Variants in MCM2 observed in about 807,000 individuals in gnomAD.
MCM2 encodes minichromosome maintenance complex component 2, also known as DNA replication licensing factor MCM2.
A neutral mutation model predicts 86.4 loss-of-function variants in MCM2; 49 were observed. That is an observed-to-expected ratio of 0.57 (90% CI 0.45 to 0.72). The LOEUF (loss-of-function observed/expected upper bound fraction) is 0.72, where lower values mean the gene tolerates loss of function less well. MCM2 is among the 30% of genes least tolerant of loss of function. The pLI is 0.00. For missense variants in MCM2, 1,038 were observed against 1,259.9 expected, an observed-to-expected ratio of 0.82 and a Z score of 2.67; for synonymous variants, 475 against 484.6, an observed-to-expected ratio of 0.98 and a Z score of 0.26.
At chr3:127,611,044 T>C (rs2074390703) in intron 8 of MCM2, 1 of 442,328 alleles carries the variant, frequency 2.3e-6, no homozygotes, top group Non-Finnish European at 4.6e-6. Context: ...GGGTTCCCAA[T>C]AATAGGAAAT....
At chr3:127,608,762 G>A (rs1264862892) in intron 7 of MCM2, 70 bp from the exon 8 acceptor site, 3 of 1,501,128 alleles carry the variant, frequency 2.0e-6, no homozygotes, top group East Asian at 2.3e-5. Context: ...AGGAGAAACT[G>A]GAGGAAGGCA....
chr3:127,609,019 AGAAGGTAGGTG>A lies in MCM2; in HGVS notation c.1428+2_1428+12del. 1 of 1,613,764 alleles carries A rather than the reference AGAAGGTAGGTG, an allele frequency of 6.2e-7. No individual in the cohort carries two copies. Among genetic ancestry groups the A allele is most frequent in the Non-Finnish European group, 8.5e-7 (1 of 1,179,966 alleles). Reference sequence around the variant, plus strand: ...CTCTCCAAGGATCAGCAGATCGGAGAGAAGGTAGGTGGAAGGCAGGGGCAGGGGCTGTCAGG... The same window carrying A: ...CTCTCCAAGGATCAGCAGATCGGAGAGAAGGCAGGGGCAGGGGCTGTCAGG... On this transcript the variant is annotated splice_donor_variant and splice_donor_5th_base_variant and coding_sequence_variant and intron_variant, in exon 8 of 16. Transcript: ENST00000265056. LOFTEE classifies it high-confidence loss of function.
Position 127,618,904 on chromosome 3 carries a change from T to C in MCM2, c.2014-123T>C. 1 of 1,146,282 alleles carries C rather than the reference T, an allele frequency of 8.7e-7. No individual in the cohort carries two copies. The highest frequency in any genetic ancestry group is 1.2e-6 in the Non-Finnish European group (1 of 833,698). 71.0% of individuals were successfully genotyped at this position (1,146,282 alleles called of 1,614,324 possible). A position where few individuals can be genotyped will look rare whatever the true frequency, so the allele number is the denominator to read the frequency against. ...CCAGAACTGCCTGGCACATGGTCAG[T>C]GTAGTCAGTCTTGTTGAAAGAGTGT... is the stretch of plus-strand genomic sequence containing the variant. On this transcript the variant is annotated intron_variant, in intron 12 of 15. Transcript: ENST00000265056. The surrounding 1 kb of genome is among the most constrained non-coding windows in gnomAD (Gnocchi z 4.0).
At chr3:127,616,477 G>A (rs534157651) in intron 9 of MCM2, among the ~76,000 whole-genome samples, 3 of 152,158 alleles carry the variant, frequency 2.0e-5, no homozygotes, top group Admixed American at 6.5e-5. Flanking sequence ...GTGCCTGTGC[G>A]CAGTGCATCC....
rs17497013 is a variant in MCM2 at position 127,611,292 on chromosome 3, A to C, written c.1428+2269A>C. Among the ~76,000 whole-genome samples, 663 of 152,166 alleles carry C rather than the reference A, an allele frequency of 4.4e-3. 11 individuals carry two copies. The highest frequency in any genetic ancestry group is 0.015 in the African/African-American group (625 of 41,528). ...AGCCGGGCCACCTGTGTCCCACATG[A>C]TTATCTGTGTCTGTGCCTACCACGC... On this transcript the variant is annotated intron_variant, in intron 8 of 15. Transcript: ENST00000265056.
Position 127,611,767 on chromosome 3 carries a change from C to T in MCM2, c.1428+2744C>T, listed in dbSNP as rs2074399442. Among the ~76,000 whole-genome samples the T allele has an allele frequency of 3.3e-5, 4 of 121,024 alleles. No individual in the cohort carries two copies. In the South Asian group the frequency reaches 1.2e-3, roughly 36 times the overall value. 79.4% of individuals were successfully genotyped at this position (121,024 alleles called of 152,430 possible). On this transcript the variant is annotated intron_variant, in intron 8 of 15. Transcript: ENST00000265056. ...AGGCTGGAGTGCAGTGGCGGGATCT[C>T]GGCTCACTGCAAGCTCCGCCTCCCG...
intron 6 of MCM2, among the ~76,000 whole-genome samples, chr3:127,607,216 C>T (rs2074358316): frequency 6.6e-6 from 1 of 152,212 alleles, no homozygotes; most frequent in Admixed American, 6.5e-5. Context: ...CAGCTTGTTT[C>T]TGGGACCTGT....
chr3:127,611,865 A>AT (rs1218503038), intron 8 of MCM2, among the ~76,000 whole-genome samples: 1 of 147,200 alleles, frequency 6.8e-6, no homozygotes. Flanking sequence ...CGCCCGGCTA[A>AT]TTTTTTTGTA....
chr3:127,599,599 T>C (rs957445179), intron 2 of MCM2, 52 bp downstream of exon 2: 2 of 1,512,608 alleles, frequency 1.3e-6, no homozygotes, highest in Non-Finnish European at 9.0e-7. Context: ...AGAGAGCCCA[T>C]TGTGTGCCTG....
At chr3:127,607,343 G>A (rs866048970) in intron 6 of MCM2, among the ~76,000 whole-genome samples, 16 of 152,368 alleles carry the variant, frequency 1.1e-4, no homozygotes, top group Middle Eastern at 3.4e-3. Context: ...GTACTTGAGC[G>A]TCCCTGTAAA....
In MCM2 at chr3:127,606,089, A is replaced by T; in HGVS notation, c.674-29A>T. 6.4e-7 allele frequency: 1 copy of T among 1,573,752 alleles called. No individual in the cohort carries two copies. Among genetic ancestry groups the T allele is most frequent in the South Asian group, 1.1e-5 (1 of 90,280 alleles). On this transcript the variant is annotated intron_variant, in intron 4 of 15. Coordinates refer to ENST00000265056, the MANE Select transcript of MCM2 (RefSeq NM_004526.4). This position sits in a 1 kb window ranked among gnomAD's most constrained non-coding sequence, Gnocchi z 4.2. ...CCCAGCCCAGGCCTCATGCTTAGTT[A>T]ACTCTCTTCCCACTGTGCCCCCTTC...
chr3:127,611,682 C>CTTTTTTTTT lies in MCM2; in HGVS notation c.1428+2685_1428+2693dup, dbSNP rs59607211. ...AAGCCCTGCAGGCTTCTGCAGCTGACTTTTTTTTTTTTTTTTTTTTTTTTT... is the reference window on the plus strand; with the variant it reads ...AAGCCCTGCAGGCTTCTGCAGCTGACTTTTTTTTTTTTTTTTTTTTTTTTTTTTTTTTTT... On this transcript the variant is annotated intron_variant, in intron 8 of 15. Coordinates refer to ENST00000265056, the MANE Select transcript of MCM2 (RefSeq NM_004526.4). Among the ~76,000 whole-genome samples the CTTTTTTTTT allele has an allele frequency of 2.4e-4, 13 of 54,282 alleles. 3 individuals are homozygous for CTTTTTTTTT. The highest frequency in any genetic ancestry group is 1.5e-3 in the East Asian group (2 of 1,314). 35.6% of individuals were successfully genotyped at this position (54,282 alleles called of 152,430 possible).
Position 127,605,017 on chromosome 3 carries a change from A to G in MCM2, c.534A>G (p.Lys178=), listed in dbSNP as rs1559861750. The G allele has an allele frequency of 6.2e-7, 1 of 1,614,038 alleles. No homozygotes were observed. Among genetic ancestry groups the G allele is most frequent in the Non-Finnish European group, 8.5e-7 (1 of 1,179,888 alleles). Residue 178 remains lysine (K), a synonymous_variant, in exon 4 of 16, where the codon AAA becomes AAG. Coordinates refer to ENST00000265056, the MANE Select transcript of MCM2 (RefSeq NM_004526.4). The part of the protein sequence containing the change: ...IESIENLEDL[K]GHSVREWVSM... Reference sequence around the variant, plus strand: ...GCATCGAGAACCTGGAGGATCTCAAAGGCCACTCTGTGCGCGAGTGGGTGA... The same window carrying G: ...GCATCGAGAACCTGGAGGATCTCAAGGGCCACTCTGTGCGCGAGTGGGTGA...
chr3:127,601,751 G>A (rs1171035554), intron 2 of MCM2, among the ~76,000 whole-genome samples: 3 of 152,148 alleles, frequency 2.0e-5, no homozygotes, highest in Admixed American at 1.3e-4. Context: ...ATCTTTTGAG[G>A]AACTGCCAGA....
chr3:127,599,379 C>T lies in MCM2; in HGVS notation c.68C>T (p.Pro23Leu), dbSNP rs2074288488. The change falls in exon 2 of 16, where the codon CCT (proline) becomes CTT (leucine). Residue 23 changes from proline (P) to leucine (L), a missense_variant. Physicochemically the swap from Pro to Leu is moderately conservative, Grantham distance 98. Coordinates refer to ENST00000265056, the MANE Select transcript of MCM2 (RefSeq NM_004526.4). ...SPAQRRRGNDPLTSSPGRSSR... is the reference protein window; with the variant it reads ...SPAQRRRGNDLLTSSPGRSSR... ...GCCCAGCGTCGGCGAGGCAATGATC[C>T]TCTCACCTCCAGCCCTGGCCGAAGC... 1.1e-5 allele frequency: 17 copies of T among 1,614,054 alleles called. No individual in the cohort carries two copies. Among genetic ancestry groups the T allele is most frequent in the Admixed American group, 1.7e-5 (1 of 60,006 alleles).
At chr3:127,615,759 T>C in intron 8 of MCM2, 103 bp from the exon 9 acceptor site, 1 of 799,964 alleles carries the variant, frequency 1.3e-6, no homozygotes, top group Non-Finnish European at 2.2e-6. Context: ...GAAGTGGGTG[T>C]CTTTGAGCTG....
In MCM2 at chr3:127,619,270, G is replaced by C; in HGVS notation, c.2257G>C (p.Glu753Gln). ...CAAGATGTACAGTGACCTGAGGAAA[G>C]AATCTATGGTGAGAGCCCAGGCAGA... The part of the protein sequence containing the change: ...VAKMYSDLRK[E>Q]SMATGSIPIT... Residue 753 changes from glutamate to glutamine, a missense_variant, in exon 13 of 16, where the codon GAA becomes CAA. Coordinates refer to ENST00000265056, the MANE Select transcript of MCM2 (RefSeq NM_004526.4). 6.2e-7 allele frequency: 1 copy of C among 1,612,652 alleles called. No individual in the cohort carries two copies. Among genetic ancestry groups the C allele is most frequent in the Non-Finnish European group, 8.5e-7 (1 of 1,178,786 alleles).
chr3:127,598,922 G>A, intron 1 of MCM2: 1 of 332,648 alleles, frequency 3.0e-6, no homozygotes, highest in Non-Finnish European at 5.5e-6. Flanking sequence ...TGTTTTGGTG[G>A]CTCTTCTATG....
chr3:127,600,395 G>A (rs1010313591), intron 2 of MCM2, among the ~76,000 whole-genome samples: 2 of 152,242 alleles, frequency 1.3e-5, no homozygotes, highest in African/African-American at 4.8e-5. Context: ...TTCCAGCTGC[G>A]ATCTGGTAGA....
Sources: gnomAD v4.1 joint callset for allele counts (sites outside exome capture counted in the v4.1 genomes callset) on GRCh38, gnomAD v4.1.1 for gene constraint, Gnocchi (gnomAD v3.1) non-coding constraint, MANE v1.5 for transcripts, NCBI Gene and HGNC (gene_info 2026-07-23, HGNC 2026-07-21) for gene names.